Variants in DOCK11 observed in about 807,000 individuals in gnomAD.
DOCK11 encodes the protein dedicator of cytokinesis 11, also known as dedicator of cytokinesis protein 11.
DOCK11 carries 70 observed loss-of-function variants against 169.1 expected under a neutral mutation model. The observed-to-expected ratio is 0.41, with a 90% CI of 0.34 to 0.51. The LOEUF is 0.51. Among genes scored for constraint, DOCK11 ranks in the 20% least tolerant of loss-of-function variants. The pLI is 0.10. For missense variants in DOCK11, 1,166 were observed against 1,538.8 expected (o/e 0.76, Z 4.05); for synonymous variants, 529 against 541.3 (o/e 0.98, Z 0.32).
At chrX:118,542,638 T>G in intron 1 of DOCK11, 87 bp from the exon 2 acceptor site, 2 of 666,438 alleles carry the variant, frequency 3.0e-6, no homozygotes, top group Non-Finnish European at 4.8e-6. Context: ...TCCCTTCCTT[T>G]GAGAAGTAAT....
At chrX:118,577,261 A>G (rs367972362) in intron 12 of DOCK11, among the ~76,000 whole-genome samples, 2 of 112,154 alleles carry the variant, frequency 1.8e-5, no homozygotes, top group East Asian at 2.8e-4. Flanking sequence ...CAGTCTGCCA[A>G]CCCGTTCAGC....
rs750554101 is a variant in DOCK11, at chrX:118,634,474, C to A, written c.3887-1872C>A. Among the ~76,000 whole-genome samples the A allele has an allele frequency of 1.9e-4, 21 of 112,430 alleles. No homozygotes were observed. In the Admixed American group the frequency reaches 2.0e-3, roughly 11 times the overall value. On this transcript the variant is annotated intron_variant, in intron 35 of 52. Transcript: ENST00000276202. ...TCCGAAGCTACCTTAGGACATGGGG[C>A]GAGGGAGATGGGTGCTCACCGTTGG... is the stretch of plus-strand genomic sequence containing the variant.
chrX:118,539,235 CAT>C (rs1178208078), intron 1 of DOCK11, among the ~76,000 whole-genome samples: 3 of 112,289 alleles, frequency 2.7e-5, no homozygotes, highest in Non-Finnish European at 3.8e-5. Context: ...TCCTTCAAAA[CAT>C]GTGGTAAGCT....
intron 44 of DOCK11, among the ~76,000 whole-genome samples, chrX:118,658,920 C>T (rs1300520031): frequency 9.0e-6 from 1 of 111,487 alleles, no homozygotes; most frequent in Non-Finnish European, 1.9e-5. Flanking sequence ...TTCAGGCCTG[C>T]AAGGATTCAC....
chrX:118,546,210 C>CAAAAAAAAAAAAAAAAAAAAAA (rs1556269491), intron 6 of DOCK11, 94 bp downstream of exon 6: 1 of 45,848 alleles, frequency 2.2e-5, no homozygotes, highest in African/African-American at 8.9e-5. Context: ...AGAGCCCTAG[C>CAAAAAAAAAAAAAAAAAAAAAA]AAAAAAAAAA....
intron 20 of DOCK11, among the ~76,000 whole-genome samples, chrX:118,594,187 G>A (rs1324447875): frequency 1.8e-5 from 2 of 111,835 alleles, no homozygotes; most frequent in East Asian, 2.8e-4. Flanking sequence ...AAGGCTTTAC[G>A]TAAACCAATG....
intron 1 of DOCK11, among the ~76,000 whole-genome samples, chrX:118,536,526 A>G (rs1233892928): frequency 1.8e-5 from 2 of 111,985 alleles, no homozygotes; most frequent in Admixed American, 1.9e-4. Context: ...CTGAGACCAC[A>G]TAAATCGATA....
intron 46 of DOCK11, among the ~76,000 whole-genome samples, chrX:118,674,811 C>T (rs1161513051): frequency 8.9e-6 from 1 of 112,070 alleles, no homozygotes; most frequent in Admixed American, 9.4e-5. Context: ...CCTATTACTT[C>T]ATATCCTTAC....
chrX:118,573,417 A>G (rs747885118), intron 11 of DOCK11, among the ~76,000 whole-genome samples: 2 of 112,693 alleles, frequency 1.8e-5, no homozygotes, highest in Non-Finnish European at 3.7e-5. Flanking sequence ...AAGTTGGAAC[A>G]TAACAGAAGA....
chrX:118,685,496 T>C, intron 52 of DOCK11, 192 bp from the exon 53 acceptor site: 1 of 418,238 alleles, frequency 2.4e-6, no homozygotes, highest in Middle Eastern at 7.5e-4. Flanking sequence ...TCTGCTTTTT[T>C]GATATGCTGC....
chrX:118,663,654 T>C (rs1164002725), intron 45 of DOCK11, among the ~76,000 whole-genome samples: 1 of 104,381 alleles, frequency 9.6e-6, no homozygotes, highest in East Asian at 3.1e-4. Context: ...TTCAGTAGAA[T>C]ATTAAATTGG....
intron 35 of DOCK11, among the ~76,000 whole-genome samples, chrX:118,631,729 T>G: frequency 9.1e-6 from 1 of 109,769 alleles, no homozygotes; most frequent in Non-Finnish European, 1.9e-5. Flanking sequence ...AGAGATACAT[T>G]AGAAAAAAAG....
intron 44 of DOCK11, among the ~76,000 whole-genome samples, chrX:118,658,053 G>C (rs2016122182): frequency 9.0e-6 from 1 of 111,707 alleles, no homozygotes; most frequent in Non-Finnish European, 1.9e-5. Context: ...AGACCCGGCA[G>C]TTGACAGAGT....
chrX:118,543,112 A>T, intron 3 of DOCK11, 97 bp downstream of exon 3: 1 of 628,246 alleles, frequency 1.6e-6, no homozygotes, highest in Middle Eastern at 5.1e-4. Flanking sequence ...GTTTATAAAT[A>T]CATAAATGTA....
At chrX:118,496,425 AG>A (rs2057537536) in intron 1 of DOCK11, among the ~76,000 whole-genome samples, 1 of 112,571 alleles carries the variant, frequency 8.9e-6, no homozygotes, top group Admixed American at 9.3e-5. Context: ...CGGCACAAAG[AG>A]CCGGGGACAA....
intron 10 of DOCK11, chrX:118,569,290 C>G (rs1415822498): frequency 6.4e-5 from 7 of 109,569 alleles, no homozygotes; most frequent in Non-Finnish European, 1.1e-4. Flanking sequence ...TGGGGTTTCT[C>G]CACATTGGTC....
At chrX:118,673,988 G>A (rs1403684518) in intron 46 of DOCK11, among the ~76,000 whole-genome samples, 1 of 111,719 alleles carries the variant, frequency 9.0e-6, no homozygotes, top group Non-Finnish European at 1.9e-5. Flanking sequence ...ATGCTCATTG[G>A]AACATTTTGG....
At chrX:118,541,486 A>T (rs1192805624) in intron 1 of DOCK11, among the ~76,000 whole-genome samples, 1 of 112,070 alleles carries the variant, frequency 8.9e-6, no homozygotes, top group African/African-American at 3.2e-5. Flanking sequence ...ATGGGTGTGC[A>T]GAAGTGGGTG....
chrX:118,565,333 G>A (rs1042928581), intron 7 of DOCK11, among the ~76,000 whole-genome samples: 2 of 111,801 alleles, frequency 1.8e-5, no homozygotes, highest in Admixed American at 9.5e-5. Context: ...GCAAATGATC[G>A]AATCAGAGTA....
Sources: allele counts gnomAD v4.1 joint callset (sites outside exome capture counted in the v4.1 genomes callset), GRCh38; gene constraint gnomAD v4.1.1; transcripts MANE v1.5; gene names NCBI Gene and HGNC (gene_info 2026-07-23, HGNC 2026-07-21).